Variants in L2HGDH observed in about 807,000 individuals in gnomAD.
The protein encoded by L2HGDH is L-2-hydroxyglutarate dehydrogenase.
A neutral mutation model predicts 51.5 loss-of-function variants in L2HGDH; 34 were observed. The ratio of observed to expected loss-of-function variants is 0.66; its 90% CI spans 0.50 to 0.88. The LOEUF is 0.88. Among genes scored for constraint, L2HGDH ranks in the 40% least tolerant of loss-of-function variants. The pLI is 0.00. For missense variants in L2HGDH, 558 were observed against 571.9 expected (o/e 0.98, Z 0.25); for synonymous variants, 198 against 197.9 (o/e 1.00, Z -0.01).
intron 4 of L2HGDH, among the ~76,000 whole-genome samples, chr14:50,291,834 G>T (rs559832129): frequency 6.6e-4 from 101 of 152,134 alleles, no homozygotes; most frequent in Non-Finnish European, 1.1e-3. Context: ...TTAAACATTG[G>T]ATCAACCAAG....
At chr14:50,293,567 TTC>T (rs1348335909) in intron 4 of L2HGDH, among the ~76,000 whole-genome samples, 3 of 152,026 alleles carry the variant, frequency 2.0e-5, no homozygotes, top group Non-Finnish European at 2.9e-5. Flanking sequence ...CATTAAGAAT[TTC>T]TGTTAATCTG....
At chr14:50,311,769 G>A (rs143072075) in intron 1 of L2HGDH, among the ~76,000 whole-genome samples, 2 of 152,182 alleles carry the variant, frequency 1.3e-5, no homozygotes, top group Admixed American at 1.3e-4. Flanking sequence ...AAAGTGGACG[G>A]GTTGTTCAAA....
At chr14:50,269,436 T>C in intron 6 of L2HGDH, 106 bp from the exon 7 acceptor site, 1 of 1,135,512 alleles carries the variant, frequency 8.8e-7, no homozygotes, top group Non-Finnish European at 1.3e-6. Context: ...AATAGAATTT[T>C]TTCTAAAAGA....
At chr14:50,247,428 T>C (rs1566498815) in intron 9 of L2HGDH, among the ~76,000 whole-genome samples, 175 bp from the exon 10 acceptor site, 1 of 152,234 alleles carries the variant, frequency 6.6e-6, no homozygotes, top group African/African-American at 2.4e-5. Flanking sequence ...CAAACCTATA[T>C]TGTTAGCTTA....
At chr14:50,270,582 C>T (rs1889618542) in intron 6 of L2HGDH, among the ~76,000 whole-genome samples, 1 of 152,056 alleles carries the variant, frequency 6.6e-6, no homozygotes, top group Non-Finnish European at 1.5e-5. Context: ...TCTCGGCTCA[C>T]TGCAAGCTCC....
chr14:50,259,366 G>GGTTTT lies in L2HGDH; in HGVS notation c.1196+5991_1196+5992insAAAAC, dbSNP rs759718499. On this transcript the variant is annotated intron_variant, in intron 9 of 9. Transcript: ENST00000267436. The stretch of plus-strand genomic sequence containing the variant: ...TTCTTTCTGTTTTTTTTCTTTTTCG[G>GGTTTT]TTTTTTTTTTTTTTTTTTCAGAAAT... Among the ~76,000 whole-genome samples, 108 of 130,682 alleles carry GGTTTT rather than the reference G, an allele frequency of 8.3e-4. 6 individuals are homozygous for GGTTTT. The highest frequency in any genetic ancestry group is 1.9e-3 in the Admixed American group (23 of 11,912). 85.7% of individuals were successfully genotyped at this position (130,682 alleles called of 152,430 possible). A position where few individuals can be genotyped will look rare whatever the true frequency, so the allele number is the denominator to read the frequency against.
rs772267399 is a variant in L2HGDH, at chr14:50,311,993, G to A, written c.140+18C>T. On this transcript the variant is annotated intron_variant, in intron 1 of 9. Coordinates refer to ENST00000267436, the MANE Select transcript of L2HGDH (RefSeq NM_024884.3). Reference sequence around the variant, plus strand: ...GGGGCAGCAGCGCAGGCGGCGGGGAGGACCAGCGGCCACTCACCTGGTGCT... The same window carrying A: ...GGGGCAGCAGCGCAGGCGGCGGGGAAGACCAGCGGCCACTCACCTGGTGCT... 1.9e-6 allele frequency: 3 copies of A among 1,552,884 alleles called. No individual in the cohort carries two copies. The highest frequency in any genetic ancestry group is 2.6e-6 in the Non-Finnish European group (3 of 1,151,514).
chr14:50,294,861 G>A (rs1414763803), intron 3 of L2HGDH, among the ~76,000 whole-genome samples: 1 of 152,100 alleles, frequency 6.6e-6, no homozygotes, highest in African/African-American at 2.4e-5. Context: ...TTTACTTAAA[G>A]AAAGGGGCAA....
chr14:50,307,727 T>G (rs1278260787), intron 1 of L2HGDH, among the ~76,000 whole-genome samples: 1 of 152,236 alleles, frequency 6.6e-6, no homozygotes, highest in Non-Finnish European at 1.5e-5. Flanking sequence ...ATTATTTTGA[T>G]GCAAATCTTA....
chr14:50,298,152 G>A (rs750052805), intron 3 of L2HGDH, among the ~76,000 whole-genome samples: 20 of 151,676 alleles, frequency 1.3e-4, no homozygotes, highest in Non-Finnish European at 2.4e-4. Flanking sequence ...GCTGAGGCTG[G>A]AGAATTGCTT....
intron 1 of L2HGDH, among the ~76,000 whole-genome samples, chr14:50,309,042 A>G (rs2030896873): frequency 6.6e-6 from 1 of 151,884 alleles, no homozygotes; most frequent in Non-Finnish European, 1.5e-5. Flanking sequence ...TTCTTTATGT[A>G]TTTTGTGTAT....
intron 5 of L2HGDH, 85 bp from the exon 6 acceptor site, chr14:50,278,639 A>C: frequency 1.3e-6 from 1 of 757,250 alleles, no homozygotes; most frequent in Non-Finnish European, 2.3e-6. Flanking sequence ...AAACTTAAAT[A>C]ACCTTTTTCT....
intron 4 of L2HGDH, among the ~76,000 whole-genome samples, chr14:50,290,330 A>C (rs1890805169): frequency 6.6e-6 from 1 of 152,240 alleles, no homozygotes; most frequent in Non-Finnish European, 1.5e-5. Flanking sequence ...TATTGGAATC[A>C]GATAATTCAA....
At chr14:50,295,716 C>T (rs2029995795) in intron 3 of L2HGDH, among the ~76,000 whole-genome samples, 1 of 150,136 alleles carries the variant, frequency 6.7e-6, no homozygotes, top group African/African-American at 2.4e-5. Flanking sequence ...GCCACTGAGT[C>T]CAGCCCTACA....
In L2HGDH at chr14:50,293,175, A is replaced by C. The variant is rs1408162631; in HGVS notation, c.540+940T>G. The C allele has an allele frequency of 7.1e-6, 5 of 700,534 alleles. No individual in the cohort carries two copies. In the South Asian group the frequency reaches 7.4e-5, roughly 10 times the overall value. 43.4% of individuals were successfully genotyped at this position (700,534 alleles called of 1,614,324 possible). On this transcript the variant is annotated intron_variant, in intron 4 of 9. Transcript: ENST00000267436. ...AGCACAGAAGAGGCAATGGAACAGA[A>C]TGGAGTCCAGACATAGACCCGCCAC...
chr14:50,297,553 T>C (rs1165373778), intron 3 of L2HGDH, among the ~76,000 whole-genome samples: 1 of 152,192 alleles, frequency 6.6e-6, no homozygotes, highest in Admixed American at 6.5e-5. Flanking sequence ...TACTGAGCAC[T>C]ACAGACCAAA....
rs150167259 is a variant in L2HGDH at position 50,303,251 on chromosome 14, G to A, written c.141-234C>T. 2.6e-3 allele frequency among the ~76,000 whole-genome samples: 398 copies of A among 151,486 alleles called. 5 individuals are homozygous for A. Among genetic ancestry groups the A allele is most frequent in the African/African-American group, 8.2e-3 (340 of 41,252 alleles). ...ATCCTGGCCAACATGGTGAAACCCC[G>A]TCTCTACTAAAAATACAAAAATTAG... On this transcript the variant is annotated intron_variant, in intron 1 of 9. Transcript: ENST00000267436.
Position 50,246,446 on chromosome 14 carries a change from T to C in L2HGDH, c.*612A>G, listed in dbSNP as rs1199257445. 1 of 143,102 alleles carries C rather than the reference T, an allele frequency of 7.0e-6. No homozygotes were observed. The highest frequency in any genetic ancestry group is 1.5e-5 in the Non-Finnish European group (1 of 65,708). The allele number at this position is 143,102 out of a possible 1,614,324, so 8.9% of individuals were successfully genotyped here. ...TATGTTGCCCAGGCTGGATTTTTTT[T>C]TTTTTTTTTTTTTTTTTTGAGACAA... On this transcript the variant is annotated 3_prime_UTR_variant, in exon 10 of 10. Transcript: ENST00000267436.
intron 7 of L2HGDH, among the ~76,000 whole-genome samples, chr14:50,268,168 C>G (rs1041758124): frequency 1.3e-5 from 2 of 152,114 alleles, no homozygotes; most frequent in African/African-American, 2.4e-5. Context: ...CATTTGAGAT[C>G]TGGAGTTCAA....
Sources: allele counts gnomAD v4.1 joint callset (sites outside exome capture counted in the v4.1 genomes callset), GRCh38; gene constraint gnomAD v4.1.1; transcripts MANE v1.5; gene names NCBI Gene and HGNC (gene_info 2026-07-23, HGNC 2026-07-21).